FRA10AC1: variants seen among roughly 807,000 people sequenced by gnomAD.
The protein encoded by FRA10AC1 is FRA10A associated CGG repeat 1.
A neutral mutation model predicts 56.5 loss-of-function variants in FRA10AC1; 43 were observed. That is an observed-to-expected ratio of 0.76 (90% confidence interval 0.60 to 0.98). The LOEUF (loss-of-function observed/expected upper bound fraction) is 0.98. Ranked by LOEUF, FRA10AC1 falls within the 50% of genes least tolerant of loss-of-function variation. The pLI is 0.00. For synonymous variants in FRA10AC1, 112 were observed against 110.5 expected, an observed-to-expected ratio of 1.01 and a Z score of -0.09; for missense variants, 346 against 351.8, an observed-to-expected ratio of 0.98 and a Z score of 0.13.
chr10:93,689,219 C>CAA (rs1458362489), intron 7 of FRA10AC1, among the ~76,000 whole-genome samples: 1 of 151,926 alleles, frequency 6.6e-6, no homozygotes, highest in African/African-American at 2.4e-5. Flanking sequence ...CTCAGCCTCC[C>CAA]AAAGTACTGG....
At chr10:93,688,999 T>C (rs113488206) in intron 7 of FRA10AC1, among the ~76,000 whole-genome samples, 128 of 152,010 alleles carry the variant, frequency 8.4e-4, no homozygotes, top group African/African-American at 2.9e-3. Flanking sequence ...CGGATTGTTA[T>C]AGTAAGACAG....
intron 5 of FRA10AC1, among the ~76,000 whole-genome samples, chr10:93,693,274 T>G (rs1589726016): frequency 6.9e-6 from 1 of 145,740 alleles, no homozygotes; most frequent in East Asian, 2.0e-4. Flanking sequence ...ATAGGTGAGA[T>G]AAATTGGGGG....
At chr10:93,693,057 ATTCTAACCAACCACTCTGCTGAGATTT>A (rs1347802693) in intron 5 of FRA10AC1, among the ~76,000 whole-genome samples, 1 of 152,056 alleles carries the variant, frequency 6.6e-6, no homozygotes, top group Non-Finnish European at 1.5e-5. Flanking sequence ...AATAAGTTTC[ATTCTAACCAACCACTCTGCTGAGATTT>A]AATTTTAAAA....
At position 93,686,992 on chromosome 10, in the gene FRA10AC1, T is replaced by C. The variant is rs555757782; in HGVS notation, c.511+412A>G. Among the ~76,000 whole-genome samples, 9 of 151,990 alleles carry C rather than the reference T, an allele frequency of 5.9e-5. No individual in the cohort carries two copies. In the East Asian group the frequency reaches 7.7e-4, roughly 13 times the overall value. ...AGTACTAGCCTGCCCCAAAATTCTA[T>C]TGGGATTAAAGTGATATTTAACTTC... is the stretch of plus-strand genomic sequence containing the variant. On this transcript the variant is annotated intron_variant, in intron 8 of 13. Coordinates refer to ENST00000359204, the MANE Select transcript of FRA10AC1 (RefSeq NM_145246.5).
At chr10:93,679,574 G>C (rs774429805) in intron 11 of FRA10AC1, among the ~76,000 whole-genome samples, 18 of 152,164 alleles carry the variant, frequency 1.2e-4, no homozygotes, top group Non-Finnish European at 2.2e-4. Flanking sequence ...ACATTTTCCA[G>C]AAACTGAAAG....
chr10:93,702,675 G>A, upstream of FRA10AC1: 1 of 227,110 alleles, frequency 4.4e-6, no homozygotes, highest in South Asian at 4.8e-5. Flanking sequence ...AACAGCTCCG[G>A]GAAACAAGGG....
Position 93,670,840 on chromosome 10 carries a change from C to T in FRA10AC1, c.835G>A (p.Asp279Asn). 1 of 1,608,464 alleles carries T rather than the reference C, an allele frequency of 6.2e-7. No individual in the cohort carries two copies. ...GATTCTGAAGCACTTTCTTCCTCAT[C>T]AGAGTTTCCTGTTCATTTAAAAAAG... ...KSEDSLLRNS[D>N]EEESASESEL... The change falls in exon 13 of 14, where the codon GAT becomes AAT. Residue 279 changes from aspartate (D) to asparagine (N), a missense_variant. By Grantham distance (23) the Asp-to-Asn change is conservative. Coordinates refer to ENST00000359204, the MANE Select transcript of FRA10AC1 (RefSeq NM_145246.5).
At chr10:93,689,060 GTT>G (rs3085158) in intron 7 of FRA10AC1, among the ~76,000 whole-genome samples, 69,489 of 126,666 alleles carry the variant, frequency 0.55, 19,269 homozygotes, top group Middle Eastern at 0.68. Flanking sequence ...TTGTTGTGGG[GTT>G]TTTTTTTTTT....
At chr10:93,697,987 A>G (rs565468854) in intron 4 of FRA10AC1, 149 bp downstream of exon 4, 1 of 493,318 alleles carries the variant, frequency 2.0e-6, no homozygotes, top group Non-Finnish European at 3.6e-6. Flanking sequence ...AATTGTACCC[A>G]AAAGTATAAA....
upstream of FRA10AC1, among the ~76,000 whole-genome samples, chr10:93,702,860 T>C (rs1009111589): frequency 6.6e-6 from 1 of 151,980 alleles, no homozygotes; most frequent in African/African-American, 2.4e-5. Flanking sequence ...TATTTTGTTT[T>C]ACCGTGCCTA....
intron 8 of FRA10AC1, among the ~76,000 whole-genome samples, chr10:93,687,103 T>G (rs2059042981): frequency 6.6e-6 from 1 of 151,936 alleles, no homozygotes; most frequent in Admixed American, 6.6e-5. Context: ...AAAATAAACC[T>G]TTCTTTTTTG....
At chr10:93,701,611 G>C (rs764008168) in intron 1 of FRA10AC1, among the ~76,000 whole-genome samples, 4 of 152,136 alleles carry the variant, frequency 2.6e-5, no homozygotes, top group Non-Finnish European at 5.9e-5. Flanking sequence ...TAAGGTTGGA[G>C]ATGAAGGTTT....
intron 7 of FRA10AC1, among the ~76,000 whole-genome samples, chr10:93,690,030 G>C (rs924524820): frequency 2.0e-5 from 3 of 152,120 alleles, no homozygotes; most frequent in African/African-American, 7.2e-5. Context: ...GAAAGGAATA[G>C]GAGTAAGAGG....
chr10:93,677,071 T>C (rs1413036774), intron 11 of FRA10AC1, among the ~76,000 whole-genome samples: 1 of 152,204 alleles, frequency 6.6e-6, no homozygotes, highest in African/African-American at 2.4e-5. Flanking sequence ...ATACTTGCTT[T>C]TTACAGTATC....
chr10:93,692,567 C>T (rs1454058623), intron 6 of FRA10AC1, 79 bp downstream of exon 6: 2 of 870,148 alleles, frequency 2.3e-6, no homozygotes, highest in East Asian at 5.3e-5. Flanking sequence ...GGCTGAACAC[C>T]TTGACTAAAA....
chr10:93,695,021 C>G, intron 4 of FRA10AC1, 84 bp from the exon 5 acceptor site: 1 of 732,766 alleles, frequency 1.4e-6, no homozygotes, highest in Non-Finnish European at 2.4e-6. Flanking sequence ...TAAAAAAAAG[C>G]ACAATATGAG....
intron 9 of FRA10AC1, 111 bp downstream of exon 9, chr10:93,685,135 C>G (rs181127998): frequency 1.6e-6 from 1 of 617,722 alleles, no homozygotes; most frequent in African/African-American, 2.0e-5. Flanking sequence ...GAAAAAAGAG[C>G]ACTTCCAGAA....
At chr10:93,690,356 T>C (rs1432754632) in intron 7 of FRA10AC1, among the ~76,000 whole-genome samples, 1 of 152,240 alleles carries the variant, frequency 6.6e-6, no homozygotes, top group Non-Finnish European at 1.5e-5. Flanking sequence ...CTCATCATGT[T>C]CTAGCAGGAA....
At chr10:93,698,269 C>G (rs1244939370) in intron 3 of FRA10AC1, 32 bp downstream of exon 3, 1 of 1,540,416 alleles carries the variant, frequency 6.5e-7, no homozygotes, top group East Asian at 2.3e-5. Context: ...CAACTTAAAC[C>G]AAGAAATAGA....
Sources: gnomAD v4.1 joint callset for allele counts (sites outside exome capture counted in the v4.1 genomes callset) on GRCh38, gnomAD v4.1.1 for gene constraint, MANE v1.5 for transcripts, NCBI Gene and HGNC (gene_info 2026-07-23, HGNC 2026-07-21) for gene names.